DEDD: variants seen among roughly 807,000 people sequenced by gnomAD.
The protein encoded by DEDD is death effector domain-containing protein.
Under a neutral mutation model 29.2 loss-of-function variants are expected in DEDD, and 3 were observed. That is an observed-to-expected ratio of 0.10 (90% CI 0.05 to 0.27). The LOEUF is 0.27. Ranked by LOEUF, DEDD falls within the 10% of genes least tolerant of loss-of-function variation. DEDD has a pLI of 1.00. For synonymous variants in DEDD, 152 were observed against 161.3 expected, an observed-to-expected ratio of 0.94 and a Z score of 0.44; for missense variants, 261 against 420.5, an observed-to-expected ratio of 0.62 and a Z score of 3.32.
In DEDD at chr1:161,123,067, T is replaced by C. The variant is rs780445260; in HGVS notation, c.580+8A>G. Reference sequence around the variant, plus strand: ...TGCTCCATCTCTGGAACCCTTGAACTTCCTCACCACATGTCTGCTTCTCCT... The same window carrying C: ...TGCTCCATCTCTGGAACCCTTGAACCTCCTCACCACATGTCTGCTTCTCCT... On this transcript the variant is annotated splice_region_variant and intron_variant, in intron 5 of 5. Transcript: ENST00000368006. The C allele has an allele frequency of 3.1e-6, 5 of 1,614,194 alleles. No individual in the cohort carries two copies. In the South Asian group the frequency reaches 5.5e-5, roughly 18 times the overall value.
At chr1:161,123,707 ATTT>A in intron 4 of DEDD, 129 bp downstream of exon 4, 8 of 632,734 alleles carry the variant, frequency 1.3e-5, no homozygotes, top group South Asian at 2.3e-5. Flanking sequence ...ACCTCGCCTG[ATTT>A]TTTTTTTTTA....
Position 161,122,287 on chromosome 1 carries a change from T to C in DEDD, c.817A>G (p.Lys273Glu). The C allele has an allele frequency of 6.2e-7, 1 of 1,614,246 alleles. No individual in the cohort carries two copies. ...AGGGAGTCTGTGATGAAGACACCTT[T>C]AAGTGCCTCTAATAAAGAGCCATTG... ...YINGSLLEAL[K>E]GVFITDSLKQ... The change falls in exon 6 of 6, where the codon AAA (lysine) becomes GAA (glutamate). Residue 273 changes from lysine to glutamate, a missense_variant. Physicochemically the swap from Lys to Glu is moderately conservative, Grantham distance 56. This residue lies in a region of DEDD where 58 missense variants were observed against 151.8 expected (regional missense o/e 0.38). Coordinates refer to ENST00000368006, the MANE Select transcript of DEDD (RefSeq NM_032998.3). The surrounding 1 kb of genome is among the most constrained non-coding windows in gnomAD (Gnocchi z 4.2).
In DEDD at chr1:161,122,066, G is replaced by A. The variant is rs539713146; in HGVS notation, c.*81C>T. ...AGGCAGGGGTGTGATTGGTTGGAAG[G>A]GTAGAGAACAAACCCCAGAACAGTG... On this transcript the variant is annotated 3_prime_UTR_variant, in exon 6 of 6. Coordinates refer to ENST00000368006, the MANE Select transcript of DEDD (RefSeq NM_032998.3). The surrounding 1 kb of genome is among the most constrained non-coding windows in gnomAD (Gnocchi z 4.2). 23 of 1,505,182 alleles carry A rather than the reference G, an allele frequency of 1.5e-5. No individual in the cohort carries two copies. The highest frequency in any genetic ancestry group is 2.5e-4 in the Middle Eastern group (1 of 4,058). The allele number at this position is 1,505,182 out of a possible 1,614,324, so 93.2% of individuals were successfully genotyped here. A position where few individuals can be genotyped will look rare whatever the true frequency, so the allele number is the denominator to read the frequency against.
intron 3 of DEDD, 43 bp from the exon 4 acceptor site, chr1:161,123,989 C>T (rs762536775): frequency 5.0e-6 from 8 of 1,604,178 alleles, no homozygotes; most frequent in Non-Finnish European, 5.1e-6. Context: ...ATACACCCTT[C>T]CCTTCTGTCA....
intron 1 of DEDD, chr1:161,131,322 T>C (rs1656648950): frequency 6.6e-6 from 1 of 152,240 alleles, no homozygotes; most frequent in Non-Finnish European, 1.5e-5. Flanking sequence ...ACAAAATATC[T>C]AATGGCGCAG....
intron 2 of DEDD, among the ~76,000 whole-genome samples, chr1:161,129,844 G>A (rs1240602035): frequency 6.6e-6 from 1 of 152,194 alleles, no homozygotes; most frequent in Non-Finnish European, 1.5e-5. Context: ...GGCTGTATTT[G>A]AGATAGTAAC....
At position 161,121,280 on chromosome 1, in the gene DEDD, C is replaced by G; in HGVS notation, c.*867G>C. ...AAGGAAAAAGGAATTACTTCACTTA[C>G]ACCTATGATGCCCTTTGCCCAAGCC... is the stretch of plus-strand genomic sequence containing the variant. On this transcript the variant is annotated 3_prime_UTR_variant, in exon 6 of 6. Coordinates refer to ENST00000368006, the MANE Select transcript of DEDD (RefSeq NM_032998.3). 1.5e-6 allele frequency: 1 copy of G among 688,164 alleles called. No homozygotes were observed. The highest frequency in any genetic ancestry group is 1.8e-6 in the Non-Finnish European group (1 of 556,518). The allele number at this position is 688,164 out of a possible 1,614,324, so 42.6% of individuals were successfully genotyped here. A position where few individuals can be genotyped will look rare whatever the true frequency, so the allele number is the denominator to read the frequency against.
intron 2 of DEDD, among the ~76,000 whole-genome samples, chr1:161,126,672 A>T (rs776611088): frequency 4.6e-5 from 7 of 152,028 alleles, no homozygotes; most frequent in Non-Finnish European, 1.0e-4. Context: ...ACACACATCA[A>T]GCCTTCTAAG....
At position 161,123,082 on chromosome 1, in the gene DEDD, C is replaced by T. The variant is rs1486105008; in HGVS notation, c.573G>A (p.Gln191=). The change falls in exon 5 of 6, where the codon CAG becomes CAA. Residue 191 remains glutamine (Q), a synonymous_variant. Transcript: ENST00000368006. ...KSVTPDPKEK[Q]TCDIRLRVRA... Reference sequence around the variant, plus strand: ...ACCCTTGAACTTCCTCACCACATGTCTGCTTCTCCTTGGGATCTGGTGTCA... The same window carrying T: ...ACCCTTGAACTTCCTCACCACATGTTTGCTTCTCCTTGGGATCTGGTGTCA... 1 of 1,614,224 alleles carries T rather than the reference C, an allele frequency of 6.2e-7. No individual in the cohort carries two copies. Among genetic ancestry groups the T allele is most frequent in the Non-Finnish European group, 8.5e-7 (1 of 1,180,046 alleles).
At chr1:161,124,087 T>C (rs761213942) in intron 3 of DEDD, 51 bp downstream of exon 3, 1 of 1,585,732 alleles carries the variant, frequency 6.3e-7, no homozygotes, top group South Asian at 1.2e-5. Flanking sequence ...TGCTGCTCCT[T>C]CCTGGCCTCC....
intron 1 of DEDD, among the ~76,000 whole-genome samples, chr1:161,131,444 A>G (rs1051965704): frequency 1.2e-4 from 18 of 151,810 alleles, no homozygotes; most frequent in South Asian, 2.1e-4. Flanking sequence ...AAACTACAGC[A>G]CTCATTTAAT....
At position 161,122,814 on chromosome 1, in the gene DEDD, A is replaced by G. The variant is rs1024761861; in HGVS notation, c.580+261T>C. Among the ~76,000 whole-genome samples the G allele has an allele frequency of 2.0e-5, 3 of 152,204 alleles. No homozygotes were observed. The highest frequency in any genetic ancestry group is 6.5e-5 in the Admixed American group (1 of 15,286). Reference sequence around the variant, plus strand: ...TTACCAGGCATAGAAGTTCATTTTAATACTCGACTTGGCTCATCCTACAAT... The same window carrying G: ...TTACCAGGCATAGAAGTTCATTTTAGTACTCGACTTGGCTCATCCTACAAT... On this transcript the variant is annotated intron_variant, in intron 5 of 5. Transcript: ENST00000368006. This position sits in a 1 kb window ranked among gnomAD's most constrained non-coding sequence, Gnocchi z 4.2.
intron 2 of DEDD, among the ~76,000 whole-genome samples, chr1:161,127,985 G>A (rs540012235): frequency 6.6e-6 from 1 of 152,300 alleles, no homozygotes; most frequent in Non-Finnish European, 1.5e-5. Context: ...CCTCGCAATG[G>A]AAAATAAGGC....
Position 161,122,421 on chromosome 1 carries a change from C to A in DEDD, c.683G>T (p.Arg228Leu). 6.2e-7 allele frequency: 1 copy of A among 1,614,208 alleles called. No homozygotes were observed. Among genetic ancestry groups the A allele is most frequent in the Non-Finnish European group, 8.5e-7 (1 of 1,180,042 alleles). ...GAGGATGGTGTTGGCCTGGTTAAAGCGCTCAAACTGGCGCTCAAGTGGGTC... is the reference window on the plus strand; with the variant it reads ...GAGGATGGTGTTGGCCTGGTTAAAGAGCTCAAACTGGCGCTCAAGTGGGTC... The part of the protein sequence containing the change: ...KQDPLERQFE[R>L]FNQANTILKS... The change falls in exon 6 of 6, where the codon CGC (arginine) becomes CTC (leucine). Residue 228 changes from arginine (R) to leucine (L), a missense_variant. Arg to Leu is a moderately radical substitution (Grantham distance 102, BLOSUM62 -2). Coordinates refer to ENST00000368006, the MANE Select transcript of DEDD (RefSeq NM_032998.3). This position sits in a 1 kb window ranked among gnomAD's most constrained non-coding sequence, Gnocchi z 4.2.
In DEDD at chr1:161,131,140, T is replaced by G. The variant is rs1376503307; in HGVS notation, c.-97-293A>C. On this transcript the variant is annotated intron_variant, in intron 1 of 5. Transcript: ENST00000368006. ...TTTAAGAACTTCTGGGAAAACCAAT[T>G]ACCCTCTGGCAGCTTCTCATCTTCC... The G allele has an allele frequency of 2.0e-5, 3 of 152,212 alleles. No homozygotes were observed. In the East Asian group the frequency reaches 5.8e-4, roughly 29 times the overall value. 9.4% of individuals were successfully genotyped at this position (152,212 alleles called of 1,614,324 possible).
At chr1:161,129,873 A>G (rs1216744438) in intron 2 of DEDD, among the ~76,000 whole-genome samples, 2 of 152,222 alleles carry the variant, frequency 1.3e-5, no homozygotes, top group Admixed American at 6.5e-5. Context: ...TCTCCCCTAC[A>G]GTTTCCCAAG....
chr1:161,130,116 G>T (rs1428818851), intron 2 of DEDD, among the ~76,000 whole-genome samples: 6 of 152,090 alleles, frequency 3.9e-5, no homozygotes, highest in African/African-American at 1.4e-4. Flanking sequence ...AAAGCGACAT[G>T]AAAGAAATAA....
At chr1:161,128,977 T>G (rs574495830) in intron 2 of DEDD, among the ~76,000 whole-genome samples, 1 of 152,334 alleles carries the variant, frequency 6.6e-6, no homozygotes, top group African/African-American at 2.4e-5. Flanking sequence ...CCAGGAGGTC[T>G]ACTTTGACCT....
intron 2 of DEDD, among the ~76,000 whole-genome samples, chr1:161,128,580 GAC>G (rs1326145666): frequency 6.6e-6 from 1 of 152,106 alleles, no homozygotes; most frequent in African/African-American, 2.4e-5. Context: ...CAGCCCAGGT[GAC>G]AGAGTGAAAC....
Sources: allele counts gnomAD v4.1 joint callset (sites outside exome capture counted in the v4.1 genomes callset), GRCh38; gene constraint gnomAD v4.1.1; regional missense constraint gnomAD v4.1.1; non-coding constraint Gnocchi (gnomAD v3.1); transcripts MANE v1.5; gene names NCBI Gene and HGNC (gene_info 2026-07-23, HGNC 2026-07-21).